Variants in WNK3 observed in about 807,000 individuals in gnomAD.
The protein encoded by WNK3 is WNK lysine deficient protein kinase 3.
In WNK3, 18 loss-of-function variants were observed where a neutral mutation model predicts 116.7. The observed-to-expected ratio is 0.15, with a 90% CI of 0.11 to 0.23. The LOEUF is 0.23. Among genes scored for constraint, WNK3 ranks in the 10% least tolerant of loss-of-function variants. The pLI, the probability that WNK3 is intolerant of heterozygous loss-of-function variation, is 1.00. For missense variants in WNK3, 993 were observed against 1,323.8 expected, an observed-to-expected ratio of 0.75 and a Z score of 3.88; for synonymous variants, 404 against 469.4, an observed-to-expected ratio of 0.86 and a Z score of 1.80.
At chrX:54,259,331 G>T in exon 11 of WNK3, 1 of 1,187,596 alleles carries the variant, frequency 8.4e-7, no homozygotes. Flanking sequence ...AACTGGTTGG[G>T]ATACAGGCTG....
At chrX:54,333,504 C>T (rs782394558) in exon 2 of WNK3, 2 of 1,211,624 alleles carry the variant, frequency 1.7e-6, no homozygotes, top group South Asian at 3.5e-5. Flanking sequence ...TCGGAAAAAT[C>T]TCTTCCTTTC....
chrX:54,211,921 A>T (rs1451561394), intron 22 of WNK3, among the ~76,000 whole-genome samples: 2 of 108,031 alleles, frequency 1.9e-5, no homozygotes, highest in Non-Finnish European at 3.9e-5. Flanking sequence ...AACATTTAGA[A>T]CTCAAAAAAA....
intron 10 of WNK3, among the ~76,000 whole-genome samples, chrX:54,275,277 T>C (rs1557160382): frequency 9.4e-6 from 1 of 106,780 alleles, no homozygotes. Flanking sequence ...GATCGCACCA[T>C]TGCACTCCAG....
intron 8 of WNK3, among the ~76,000 whole-genome samples, chrX:54,294,053 C>T (rs1303814585): frequency 9.1e-6 from 1 of 110,401 alleles, no homozygotes; most frequent in African/African-American, 3.3e-5. Context: ...TAGTGGCACG[C>T]ACTTGTAGTC....
At chrX:54,310,509 C>T (rs2068875820) in intron 3 of WNK3, among the ~76,000 whole-genome samples, 1 of 110,268 alleles carries the variant, frequency 9.1e-6, no homozygotes, top group African/African-American at 3.3e-5. Context: ...GATCATGCCA[C>T]TGCACCACTC....
At chrX:54,250,213 TAAAC>T in intron 15 of WNK3, 82 bp from the exon 16 acceptor site, 1 of 967,267 alleles carries the variant, frequency 1.0e-6, no homozygotes, top group Non-Finnish European at 1.4e-6. Context: ...CCAGGTTAAA[TAAAC>T]AATTTGTCTT....
At chrX:54,320,591 T>C (rs1039055466) in intron 2 of WNK3, among the ~76,000 whole-genome samples, 3 of 109,830 alleles carry the variant, frequency 2.7e-5, no homozygotes, top group Middle Eastern at 5.0e-3. Context: ...GGCACGATCA[T>C]AGTTCACTGC....
At chrX:54,201,573 T>G (rs144342089) in intron 23 of WNK3, among the ~76,000 whole-genome samples, 134 of 112,223 alleles carry the variant, frequency 1.2e-3, no homozygotes, top group African/African-American at 4.2e-3. Context: ...CCAGACGCTT[T>G]CTTCTTTGAT....
At chrX:54,273,807 GA>G (rs1569537452) in intron 10 of WNK3, among the ~76,000 whole-genome samples, 1 of 111,575 alleles carries the variant, frequency 9.0e-6, no homozygotes, top group Non-Finnish European at 1.9e-5. Context: ...ATTCATCTGG[GA>G]GATTAAATGA....
chrX:54,195,696 T>C (rs1265651245), exon 24 of WNK3: 2 of 111,940 alleles, frequency 1.8e-5, no homozygotes, highest in African/African-American at 3.2e-5. Context: ...ATATACATAA[T>C]GTATACATAA....
intron 9 of WNK3, 47 bp from the exon 10 acceptor site, chrX:54,293,084 T>C: frequency 8.4e-7 from 1 of 1,183,901 alleles, no homozygotes. Context: ...CTTTCCCATT[T>C]ACAGTAAATA....
At chrX:54,291,857 C>G (rs1197604370) in intron 10 of WNK3, among the ~76,000 whole-genome samples, 1 of 111,529 alleles carries the variant, frequency 9.0e-6, no homozygotes, top group East Asian at 2.8e-4. Context: ...GATGCACCAG[C>G]AACTAGCTAA....
chrX:54,249,561 A>T (rs782374581), exon 17 of WNK3: 1 of 1,211,722 alleles, frequency 8.3e-7, no homozygotes, highest in East Asian at 3.0e-5. Flanking sequence ...TGAAAAGTGC[A>T]CGGTGGCATG....
chrX:54,273,195 A>C (rs782661610), intron 10 of WNK3, among the ~76,000 whole-genome samples: 4 of 112,560 alleles, frequency 3.6e-5, no homozygotes, highest in Non-Finnish European at 7.5e-5. Flanking sequence ...ATTCATGTAG[A>C]TAAGAGAAAT....
At chrX:54,284,249 C>T (rs1401796833) in intron 10 of WNK3, among the ~76,000 whole-genome samples, 10 of 111,447 alleles carry the variant, frequency 9.0e-5, no homozygotes, top group African/African-American at 3.3e-4. Context: ...ATGACTTGAA[C>T]AGGCACTTCA....
intron 10 of WNK3, among the ~76,000 whole-genome samples, chrX:54,270,848 CTG>C (rs2068375398): frequency 9.0e-6 from 1 of 111,351 alleles, no homozygotes; most frequent in Admixed American, 9.6e-5. Context: ...TGTTCTGTTC[CTG>C]TGTTAGTTTG....
At chrX:54,335,421 T>C (rs2069222157) in intron 1 of WNK3, among the ~76,000 whole-genome samples, 1 of 112,032 alleles carries the variant, frequency 8.9e-6, no homozygotes. Context: ...CTTTGCACAA[T>C]AAACATGTGA....
At chrX:54,347,034 G>C (rs2069441390) in intron 1 of WNK3, among the ~76,000 whole-genome samples, 1 of 111,949 alleles carries the variant, frequency 8.9e-6, no homozygotes, top group Non-Finnish European at 1.9e-5. Flanking sequence ...TCTACATTCA[G>C]CAATGTAGAA....
At chrX:54,261,765 T>C (rs1603384485) in intron 10 of WNK3, among the ~76,000 whole-genome samples, 1 of 112,151 alleles carries the variant, frequency 8.9e-6, no homozygotes, top group Non-Finnish European at 1.9e-5. Flanking sequence ...AAACATACCA[T>C]TATTTATTTA....
Sources: gnomAD v4.1 joint callset for allele counts (sites outside exome capture counted in the v4.1 genomes callset) on GRCh38, gnomAD v4.1.1 for gene constraint, MANE v1.5 for transcripts, NCBI Gene and HGNC (gene_info 2026-07-23, HGNC 2026-07-21) for gene names.